Variants in PCDHGA7 observed in about 807,000 individuals in gnomAD.
PCDHGA7 encodes protocadherin gamma subfamily A, 7.
PCDHGA7 carries 44 observed loss-of-function variants against 58.3 expected under a neutral mutation model. That is an observed-to-expected ratio of 0.75 (90% confidence interval 0.59 to 0.97). The LOEUF (loss-of-function observed/expected upper bound fraction) is 0.97, where lower values mean the gene tolerates loss of function less well. Among genes scored for constraint, PCDHGA7 ranks in the 50% least tolerant of loss-of-function variants. The pLI, the probability that PCDHGA7 is intolerant of heterozygous loss-of-function variation, is 0.00. For missense variants in PCDHGA7, 1,266 were observed against 1,188.7 expected (o/e 1.06, Z -0.96); for synonymous variants, 516 against 504.2 (o/e 1.02, Z -0.31).
In PCDHGA7 at chr5:141,485,849, G is replaced by A. The variant is rs777288674; in HGVS notation, c.2425-8958G>A. ...AGGGAACCCGCCGAGATCTGGCACC[G>A]CAGAGCTCCGGGTATCCGTGCTGGA... On this transcript the variant is annotated intron_variant, in intron 1 of 3. Transcript: ENST00000518325. The surrounding 1 kb of genome is among the most constrained non-coding windows in gnomAD (Gnocchi z 5.7). 3 of 1,614,130 alleles carry A rather than the reference G, an allele frequency of 1.9e-6. No individual in the cohort carries two copies. In the South Asian group the frequency reaches 3.3e-5, roughly 18 times the overall value.
chr5:141,388,637 T>G (rs993746447), intron 1 of PCDHGA7: 1 of 1,613,762 alleles, frequency 6.2e-7, no homozygotes, highest in Non-Finnish European at 8.5e-7. Context: ...GGGTGAGCCT[T>G]TCAGAAAACG....
In PCDHGA7 at chr5:141,422,749, A is replaced by G. The variant is rs202046219; in HGVS notation, c.2424+37426A>G. Reference sequence around the variant, plus strand: ...GGTGCCTCTGTCCTCCTATGTCTCTATTAACTCCAACACTGGTGTTCTCTA... The same window carrying G: ...GGTGCCTCTGTCCTCCTATGTCTCTGTTAACTCCAACACTGGTGTTCTCTA... On this transcript the variant is annotated intron_variant, in intron 1 of 3. Coordinates refer to ENST00000518325, the MANE Select transcript of PCDHGA7 (RefSeq NM_018920.4). 269 of 1,611,644 alleles carry G rather than the reference A, an allele frequency of 1.7e-4. 1 individual carries two copies. The African/African-American group carries it at 3.3e-3, about 20-fold the overall frequency.
Position 141,469,939 on chromosome 5 carries a change from T to G in PCDHGA7, c.2425-24868T>G, listed in dbSNP as rs1376169822. Among the ~76,000 whole-genome samples, 3 of 152,186 alleles carry G rather than the reference T, an allele frequency of 2.0e-5. No individual in the cohort carries two copies. The East Asian group carries it at 5.8e-4, about 29-fold the overall frequency. On this transcript the variant is annotated intron_variant, in intron 1 of 3. Transcript: ENST00000518325. ...CGAGGTCAGGAGTTTGAGACCAGCC[T>G]GGCCAGCATGGTGAAACCCCATCTG...
At chr5:141,421,702 A>G (rs2096594027) in intron 1 of PCDHGA7, 1 of 1,613,950 alleles carries the variant, frequency 6.2e-7, no homozygotes, top group Non-Finnish European at 8.5e-7. Context: ...TCCTAATGCT[A>G]GGGATCCAGA....
intron 1 of PCDHGA7, among the ~76,000 whole-genome samples, chr5:141,461,433 C>A (rs183800312): frequency 1.3e-5 from 2 of 151,970 alleles, no homozygotes; most frequent in Non-Finnish European, 1.5e-5. Context: ...CATTTGTATA[C>A]CTTCTTTTGA....
chr5:141,423,877 C>G, intron 1 of PCDHGA7: 1 of 1,283,890 alleles, frequency 7.8e-7, no homozygotes, highest in South Asian at 3.4e-5. Flanking sequence ...ATTTTTCAAT[C>G]TTGGCATATT....
intron 1 of PCDHGA7, among the ~76,000 whole-genome samples, chr5:141,459,682 A>G (rs557568098): frequency 2.4e-4 from 37 of 152,358 alleles, no homozygotes; most frequent in African/African-American, 8.2e-4. Flanking sequence ...AGCAATGCAT[A>G]AAGCGTTCCG....
chr5:141,417,633 G>C, intron 1 of PCDHGA7: 1 of 712,146 alleles, frequency 1.4e-6, no homozygotes, highest in South Asian at 2.3e-5. Flanking sequence ...CGCTGACGCC[G>C]GGGATCCCTC....
intron 1 of PCDHGA7, chr5:141,399,478 G>T (rs367753385): frequency 2.0e-5 from 32 of 1,613,894 alleles, no homozygotes; most frequent in Non-Finnish European, 2.6e-5. Context: ...TTTCCACCAG[G>T]CGTCCTACTT....
At chr5:141,467,495 C>T (rs1161557245) in intron 1 of PCDHGA7, among the ~76,000 whole-genome samples, 1 of 152,140 alleles carries the variant, frequency 6.6e-6, no homozygotes, top group Non-Finnish European at 1.5e-5. Context: ...ATTTAGATCC[C>T]TGATCTAATT....
At chr5:141,435,024 C>T (rs1263332887) in intron 1 of PCDHGA7, among the ~76,000 whole-genome samples, 3 of 151,970 alleles carry the variant, frequency 2.0e-5, no homozygotes, top group Non-Finnish European at 4.4e-5. Context: ...ATGCTCTTTT[C>T]CCACTTTTAT....
rs376621545 is a variant in PCDHGA7, at chr5:141,422,143, G to A, written c.2424+36820G>A. The stretch of plus-strand genomic sequence containing the variant: ...ACAAACTGGAGAAGTTCAAGTACGG[G>A]GGTCTCTGGATTTTGAAAAATATAG... On this transcript the variant is annotated intron_variant, in intron 1 of 3. Transcript: ENST00000518325. 36 of 1,583,638 alleles carry A rather than the reference G, an allele frequency of 2.3e-5. No individual in the cohort carries two copies. The African/African-American group carries it at 3.8e-4, about 17-fold the overall frequency.
intron 1 of PCDHGA7, chr5:141,428,129 C>T (rs1449809875): frequency 1.2e-6 from 2 of 1,603,336 alleles, no homozygotes; most frequent in Non-Finnish European, 1.7e-6. Context: ...CCGGGCTTTT[C>T]AGCCTGGGGC....
intron 1 of PCDHGA7, among the ~76,000 whole-genome samples, chr5:141,445,751 G>T (rs1211416281): frequency 2.0e-5 from 3 of 152,102 alleles, no homozygotes; most frequent in Non-Finnish European, 4.4e-5. Context: ...AAAAATAAAA[G>T]GTGTGACTCA....
chr5:141,421,402 G>A (rs2096569907), intron 1 of PCDHGA7: 1 of 1,614,076 alleles, frequency 6.2e-7, no homozygotes, highest in Non-Finnish European at 8.5e-7. Context: ...GGAGCCCCGG[G>A]AGCTGGCGAA....
chr5:141,387,736 A>C, intron 1 of PCDHGA7: 3 of 1,307,572 alleles, frequency 2.3e-6, no homozygotes, highest in East Asian at 2.5e-5. Flanking sequence ...GCCAGCCTTT[A>C]CACCGCTTCC....
intron 2 of PCDHGA7, among the ~76,000 whole-genome samples, chr5:141,503,132 CCT>C (rs1388312522): frequency 6.6e-6 from 1 of 151,994 alleles, no homozygotes; most frequent in Non-Finnish European, 1.5e-5. Flanking sequence ...TCTGGTAGCC[CCT>C]GACACAGCCC....
intron 2 of PCDHGA7, among the ~76,000 whole-genome samples, chr5:141,501,109 C>G (rs909874167): frequency 2.0e-5 from 3 of 152,106 alleles, no homozygotes; most frequent in Non-Finnish European, 4.4e-5. Context: ...CCTCGTGATC[C>G]GCCTGCCTCA....
At position 141,399,541 on chromosome 5, in the gene PCDHGA7, G is replaced by T. The variant is rs1301909841; in HGVS notation, c.2424+14218G>T. Reference sequence around the variant, plus strand: ...TGGGGCCTCCATCGCGCAAGTCTGCGCCTCGGACCTGGACTTGGGGTTGAA... The same window carrying T: ...TGGGGCCTCCATCGCGCAAGTCTGCTCCTCGGACCTGGACTTGGGGTTGAA... On this transcript the variant is annotated intron_variant, in intron 1 of 3. Transcript: ENST00000518325. 1.9e-6 allele frequency: 3 copies of T among 1,613,926 alleles called. No individual in the cohort carries two copies. In the Admixed American group the frequency reaches 5.0e-5, roughly 27 times the overall value.
Sources: allele counts gnomAD v4.1 joint callset (sites outside exome capture counted in the v4.1 genomes callset), GRCh38; gene constraint gnomAD v4.1.1; non-coding constraint Gnocchi (gnomAD v3.1); transcripts MANE v1.5; gene names NCBI Gene and HGNC (gene_info 2026-07-23, HGNC 2026-07-21).